Variants in FRYL observed in about 807,000 individuals in gnomAD.
FRYL encodes protein furry homolog-like.
Under a neutral mutation model 351.2 loss-of-function variants are expected in FRYL, and 150 were observed. That is an observed-to-expected ratio of 0.43 (90% CI 0.37 to 0.49). FRYL has a LOEUF of 0.49. FRYL is among the 20% of genes least tolerant of loss of function. The probability of loss-of-function intolerance (pLI) is 0.00; values close to 1 mark genes in which losing one functional copy is unlikely to be tolerated. For missense variants in FRYL, 3,036 were observed against 3,619.3 expected (o/e 0.84, Z 4.13); for synonymous variants, 1,153 against 1,257.1 (o/e 0.92, Z 1.75).
intron 18 of FRYL, 72 bp from the exon 19 acceptor site, chr4:48,586,800 T>C: frequency 9.7e-7 from 1 of 1,028,450 alleles, no homozygotes; most frequent in East Asian, 2.5e-5. Context: ...CTTGGAAAAA[T>C]AACTACAGAA....
intron 13 of FRYL, among the ~76,000 whole-genome samples, chr4:48,596,549 T>C (rs568860079): frequency 9.9e-5 from 15 of 152,246 alleles, no homozygotes; most frequent in African/African-American, 2.6e-4. Flanking sequence ...TCCTTGGGCA[T>C]TGTTATATGA....
At chr4:48,598,932 G>A in intron 13 of FRYL, 1 of 726,720 alleles carries the variant, frequency 1.4e-6, no homozygotes. Context: ...ATGCATGTTA[G>A]ATGAAAATAA....
At chr4:48,601,371 T>C (rs1388565207) in intron 13 of FRYL, among the ~76,000 whole-genome samples, 3 of 152,174 alleles carry the variant, frequency 2.0e-5, no homozygotes, top group Non-Finnish European at 4.4e-5. Context: ...ACTGTCAGAA[T>C]TGTGTTCCTA....
At position 48,714,393 on chromosome 4, in the gene FRYL, A is replaced by T. The variant is rs879510513; in HGVS notation, c.-383-3695T>A. ...CCGCTAGCAAGACTAATAAAGAAAA[A>T]AAGAGAGAAGAATCAAATAGACACA... is the stretch of plus-strand genomic sequence containing the variant. On this transcript the variant is annotated intron_variant, in intron 1 of 63. Coordinates refer to ENST00000358350, the MANE Select transcript of FRYL (RefSeq NM_015030.2). Among the ~76,000 whole-genome samples the T allele has an allele frequency of 7.8e-4, 109 of 140,306 alleles. 2 individuals are homozygous for T. The highest frequency in any genetic ancestry group is 2.7e-3 in the South Asian group (11 of 4,048). 92.0% of individuals were successfully genotyped at this position (140,306 alleles called of 152,430 possible).
At chr4:48,508,877 G>A (rs554783155) in intron 59 of FRYL, among the ~76,000 whole-genome samples, 13 of 152,140 alleles carry the variant, frequency 8.5e-5, no homozygotes, top group African/African-American at 1.7e-4. Context: ...GTTACACAGC[G>A]TTGCTTCTGA....
intron 2 of FRYL, among the ~76,000 whole-genome samples, chr4:48,701,045 C>T (rs970743352): frequency 8.5e-5 from 13 of 152,074 alleles, no homozygotes; most frequent in Non-Finnish European, 1.6e-4. Flanking sequence ...TAAAATAATA[C>T]AACCAAAATA....
At chr4:48,710,856 G>C (rs757829204) in intron 1 of FRYL, among the ~76,000 whole-genome samples, 158 bp from the exon 2 acceptor site, 1 of 152,172 alleles carries the variant, frequency 6.6e-6, no homozygotes, top group African/African-American at 2.4e-5. Context: ...ATATACTCCA[G>C]AGAAATGAAA....
At chr4:48,569,210 A>G (rs1737667933) in intron 27 of FRYL, among the ~76,000 whole-genome samples, 1 of 152,210 alleles carries the variant, frequency 6.6e-6, no homozygotes, top group Non-Finnish European at 1.5e-5. Flanking sequence ...TCAGGTTGTT[A>G]ATTTTTTGCA....
In FRYL at chr4:48,500,155, G is replaced by C. The variant is rs375724636; in HGVS notation, c.8658C>G (p.Ser2886=). 2 of 1,606,244 alleles carry C rather than the reference G, an allele frequency of 1.2e-6. No homozygotes were observed. Among genetic ancestry groups the C allele is most frequent in the African/African-American group, 1.3e-5 (1 of 74,378 alleles). The part of the protein sequence containing the change: ...ESILKEAESA[S]ENEEIDISKA... ...TGGAAATGTCAATTTCTTCGTTTTC[G>C]GAAGCGGACTCAGCTTCTTTGAGGA... is the stretch of plus-strand genomic sequence containing the variant. Residue 2886 remains serine, a synonymous_variant, in exon 63 of 64, where the codon TCC becomes TCG. Transcript: ENST00000358350.
At chr4:48,580,004 T>C (rs1266090152) in intron 22 of FRYL, among the ~76,000 whole-genome samples, 2 of 151,966 alleles carry the variant, frequency 1.3e-5, no homozygotes, top group Non-Finnish European at 2.9e-5. Context: ...TTGTATCTAT[T>C]TAAAAATAAA....
chr4:48,729,389 TC>T (rs1434514628), intron 1 of FRYL, among the ~76,000 whole-genome samples: 1 of 152,222 alleles, frequency 6.6e-6, no homozygotes, highest in Non-Finnish European at 1.5e-5. Context: ...GCAGCTGTTC[TC>T]CCAGCACGGT....
chr4:48,570,823 T>G lies in FRYL; in HGVS notation c.2996+4A>C. 1 of 1,598,934 alleles carries G rather than the reference T, an allele frequency of 6.3e-7. No homozygotes were observed. The highest frequency in any genetic ancestry group is 2.2e-5 in the East Asian group (1 of 44,806). On this transcript the variant is annotated splice_donor_region_variant and intron_variant, in intron 27 of 63. Coordinates refer to ENST00000358350, the MANE Select transcript of FRYL (RefSeq NM_015030.2). ...AGTTTTAACAATGTGAATCCAATAC[T>G]GACCTGTGACTAATGACACCAGCAT...
At chr4:48,736,134 A>G (rs1249809506) in intron 1 of FRYL, among the ~76,000 whole-genome samples, 1 of 152,154 alleles carries the variant, frequency 6.6e-6, no homozygotes, top group African/African-American at 2.4e-5. Context: ...GTCAAAAAAT[A>G]AATCTCAAGA....
At chr4:48,546,386 T>G (rs1450569284) in intron 41 of FRYL, 115 bp from the exon 42 acceptor site, 8 of 752,268 alleles carry the variant, frequency 1.1e-5, no homozygotes, top group Non-Finnish European at 1.5e-5. Flanking sequence ...AATCTGTCAG[T>G]GCAAGGTGAT....
At chr4:48,558,147 G>C (rs1055554520) in intron 33 of FRYL, among the ~76,000 whole-genome samples, 1 of 152,204 alleles carries the variant, frequency 6.6e-6, no homozygotes, top group Non-Finnish European at 1.5e-5. Flanking sequence ...CAATAGCCAA[G>C]AGGTAGGTGG....
rs186120918 is a variant in FRYL at position 48,730,347 on chromosome 4, C to T, written c.-383-19649G>A. 1.5e-3 allele frequency among the ~76,000 whole-genome samples: 227 copies of T among 152,230 alleles called. 1 individual carries two copies. Among genetic ancestry groups the T allele is most frequent in the Admixed American group, 4.5e-3 (69 of 15,280 alleles). On this transcript the variant is annotated intron_variant, in intron 1 of 63. Transcript: ENST00000358350. ...ATCCAGGAGAACTTCCCCAACCTAG[C>T]AAGGCAGGGCAATCAAATTCAGGAA...
chr4:48,515,663 C>A (rs1723430729), intron 55 of FRYL, among the ~76,000 whole-genome samples: 1 of 152,132 alleles, frequency 6.6e-6, no homozygotes, highest in African/African-American at 2.4e-5. Context: ...TGAGACACTG[C>A]ACCCGGCCAC....
intron 11 of FRYL, among the ~76,000 whole-genome samples, chr4:48,604,226 A>T (rs1746273510): frequency 6.6e-6 from 1 of 152,194 alleles, no homozygotes; most frequent in African/African-American, 2.4e-5. Context: ...TCAATAAGTA[A>T]ATGAGTAAAG....
Position 48,500,142 on chromosome 4 carries a change from T to C in FRYL, c.8671A>G (p.Ile2891Val). The C allele has an allele frequency of 2.5e-6, 4 of 1,604,966 alleles. No individual in the cohort carries two copies. The highest frequency in any genetic ancestry group is 2.5e-6 in the Non-Finnish European group (3 of 1,178,152). The change falls in exon 63 of 64, where the codon ATT (isoleucine) becomes GTT (valine). Residue 2891 changes from isoleucine to valine, a missense_variant. Coordinates refer to ENST00000358350, the MANE Select transcript of FRYL (RefSeq NM_015030.2). ...GTTTGTGCAGCTTTGGAAATGTCAA[T>C]TTCTTCGTTTTCGGAAGCGGACTCA... ...EAESASENEE[I>V]DISKAAQTTI...
Sources: allele counts gnomAD v4.1 joint callset (sites outside exome capture counted in the v4.1 genomes callset), GRCh38; gene constraint gnomAD v4.1.1; transcripts MANE v1.5; gene names NCBI Gene and HGNC (gene_info 2026-07-23, HGNC 2026-07-21).